The following MAGI2 variants were observed in gnomAD, a reference collection of about 807,000 sequenced individuals.
The protein encoded by MAGI2 is membrane-associated guanylate kinase, WW and PDZ domain-containing protein 2.
MAGI2 carries 35 observed loss-of-function variants against 133.3 expected under a neutral mutation model. The ratio of observed to expected loss-of-function variants is 0.26; its 90% CI spans 0.20 to 0.35. MAGI2 has a LOEUF of 0.35. Ranked by LOEUF, MAGI2 falls within the 10% of genes least tolerant of loss-of-function variation. The probability of loss-of-function intolerance (pLI) is 1.00; values close to 1 mark genes in which losing one functional copy is unlikely to be tolerated. For synonymous variants in MAGI2, 729 were observed against 710.6 expected, an observed-to-expected ratio of 1.03 and a Z score of -0.41; for missense variants, 1,636 against 1,863.4, an observed-to-expected ratio of 0.88 and a Z score of 2.25.
chr7:78,690,960 CACA>C (rs1816897760), intron 2 of MAGI2, among the ~76,000 whole-genome samples: 1 of 152,138 alleles, frequency 6.6e-6, no homozygotes, highest in African/African-American at 2.4e-5. Context: ...ATTCATAGAG[CACA>C]ACATTTTCAC....
At chr7:78,717,966 C>G (rs1457075221) in intron 2 of MAGI2, among the ~76,000 whole-genome samples, 1 of 152,200 alleles carries the variant, frequency 6.6e-6, no homozygotes, top group African/African-American at 2.4e-5. Context: ...CCCAAGATAA[C>G]TCTGTAATGA....
chr7:78,823,817 T>C (rs1431259113), intron 2 of MAGI2, among the ~76,000 whole-genome samples: 2 of 152,054 alleles, frequency 1.3e-5, no homozygotes, highest in East Asian at 1.9e-4. Flanking sequence ...TCAAGTCCAA[T>C]TGGTGCTTTT....
chr7:78,566,858 C>T lies in MAGI2; in HGVS notation c.539-45213G>A, dbSNP rs541899362. On this transcript the variant is annotated intron_variant, in intron 3 of 21. Coordinates refer to ENST00000354212, the MANE Select transcript of MAGI2 (RefSeq NM_012301.4). ...GGCCTAAAAAAATTCATGTAATCAG[C>T]CTGAGAATTGAAAAACTATAGCCTA... 2.0e-5 allele frequency among the ~76,000 whole-genome samples: 3 copies of T among 151,956 alleles called. No individual in the cohort carries two copies. The South Asian group carries it at 6.2e-4, about 32-fold the overall frequency.
At chr7:78,296,945 T>C (rs2151059962) in intron 9 of MAGI2, among the ~76,000 whole-genome samples, 1 of 152,098 alleles carries the variant, frequency 6.6e-6, no homozygotes, top group East Asian at 1.9e-4. Flanking sequence ...GGAGAAGTCA[T>C]GTGCTATAGC....
chr7:79,111,390 A>G (rs1321510503), intron 1 of MAGI2, among the ~76,000 whole-genome samples: 2 of 152,312 alleles, frequency 1.3e-5, no homozygotes, highest in South Asian at 2.1e-4. Flanking sequence ...TGTTATGCAT[A>G]TCTCATACCT....
chr7:78,615,271 C>T (rs569270666), intron 3 of MAGI2: 19 of 152,320 alleles, frequency 1.2e-4, no homozygotes, highest in African/African-American at 4.1e-4. Context: ...AACCTGTATA[C>T]ACTCTTTGAA....
At chr7:79,003,083 G>C (rs1215370717) in intron 2 of MAGI2, among the ~76,000 whole-genome samples, 1 of 151,930 alleles carries the variant, frequency 6.6e-6, no homozygotes, top group African/African-American at 2.4e-5. Flanking sequence ...TTCCTCCCCT[G>C]CTTAGCTCAG....
Position 79,095,935 on chromosome 7 carries a change from A to G in MAGI2, c.302-88729T>C, listed in dbSNP as rs145684483. On this transcript the variant is annotated intron_variant, in intron 1 of 21. Coordinates refer to ENST00000354212, the MANE Select transcript of MAGI2 (RefSeq NM_012301.4). ...ACCTTCAATCTGTAAAAACGACAGT[A>G]TCTGGGAAGTGCAACAGAGTTAACT... Among the ~76,000 whole-genome samples the G allele has an allele frequency of 3.3e-5, 5 of 152,340 alleles. No individual in the cohort carries two copies. The East Asian group carries it at 9.6e-4, about 29-fold the overall frequency.
At chr7:79,277,060 T>C (rs752076191) in intron 1 of MAGI2, among the ~76,000 whole-genome samples, 4 of 152,150 alleles carry the variant, frequency 2.6e-5, no homozygotes, top group Admixed American at 2.6e-4. Context: ...AAAGAAGTTC[T>C]ACTGTAGGTA....
chr7:78,471,937 GTAAGGGGAAT>G (rs1474791484), intron 6 of MAGI2, among the ~76,000 whole-genome samples: 1 of 150,856 alleles, frequency 6.6e-6, no homozygotes, highest in East Asian at 1.9e-4. Context: ...AAAAAAAAAA[GTAAGGGGAAT>G]TACAGAACAA....
chr7:79,213,074 G>A (rs1220548568), intron 1 of MAGI2, among the ~76,000 whole-genome samples: 1 of 151,816 alleles, frequency 6.6e-6, no homozygotes, highest in Non-Finnish European at 1.5e-5. Flanking sequence ...CGGGTGGATC[G>A]AGGGGAGCAA....
intron 6 of MAGI2, among the ~76,000 whole-genome samples, chr7:78,382,359 AAT>A (rs1448754774): frequency 6.6e-6 from 1 of 152,042 alleles, no homozygotes; most frequent in Non-Finnish European, 1.5e-5. Context: ...TCAAAAAAAA[AAT>A]GTAAAATAAC....
chr7:78,752,382 C>T (rs1205197746), intron 2 of MAGI2, among the ~76,000 whole-genome samples: 1 of 152,126 alleles, frequency 6.6e-6, no homozygotes, highest in East Asian at 1.9e-4. Context: ...GTAGGTGGAT[C>T]ACCTGAGGTC....
chr7:78,859,663 G>T (rs976865667), intron 2 of MAGI2, among the ~76,000 whole-genome samples: 1 of 142,080 alleles, frequency 7.0e-6, no homozygotes, highest in Admixed American at 7.5e-5. Context: ...CTCTCTGGCT[G>T]CCCTTAACAC....
At chr7:78,146,474 T>A (rs1322731869) in intron 16 of MAGI2, among the ~76,000 whole-genome samples, 1 of 152,154 alleles carries the variant, frequency 6.6e-6, no homozygotes, top group Non-Finnish European at 1.5e-5. Context: ...GGAAAAAAAA[T>A]TAAAGTTTTA....
At chr7:78,401,815 TGAGGA>T (rs1031881419) in intron 6 of MAGI2, among the ~76,000 whole-genome samples, 1 of 152,212 alleles carries the variant, frequency 6.6e-6, no homozygotes, top group African/African-American at 2.4e-5. Context: ...CACACAGGAC[TGAGGA>T]AAGTATTTAA....
At chr7:78,637,586 G>A (rs1809812656) in intron 2 of MAGI2, among the ~76,000 whole-genome samples, 1 of 152,260 alleles carries the variant, frequency 6.6e-6, no homozygotes, top group East Asian at 1.9e-4. Context: ...TATCTGATTT[G>A]CTAAATGTTA....
In MAGI2 at chr7:78,226,414, C is replaced by T. The variant is rs146772724; in HGVS notation, c.2048-25221G>A. On this transcript the variant is annotated intron_variant, in intron 10 of 21. Coordinates refer to ENST00000354212, the MANE Select transcript of MAGI2 (RefSeq NM_012301.4). Reference sequence around the variant, plus strand: ...TAATGGATTATAGACAAAATACAGGCATTACTCTCCTTATTTCAACTTTAT... The same window carrying T: ...TAATGGATTATAGACAAAATACAGGTATTACTCTCCTTATTTCAACTTTAT... 8.8e-3 allele frequency among the ~76,000 whole-genome samples: 1,330 copies of T among 151,910 alleles called. 17 individuals are homozygous for T. The highest frequency in any genetic ancestry group is 0.031 in the African/African-American group (1,276 of 41,412).
chr7:79,114,759 AC>A (rs1447289997), intron 1 of MAGI2, among the ~76,000 whole-genome samples: 4 of 152,086 alleles, frequency 2.6e-5, no homozygotes, highest in African/African-American at 9.7e-5. Flanking sequence ...AAATACTCTC[AC>A]TTTGAGCTAA....
Sources: allele counts gnomAD v4.1 joint callset (sites outside exome capture counted in the v4.1 genomes callset), GRCh38; gene constraint gnomAD v4.1.1; transcripts MANE v1.5; gene names NCBI Gene and HGNC (gene_info 2026-07-23, HGNC 2026-07-21).